CACNA1D: variants seen among roughly 807,000 people sequenced by gnomAD.
CACNA1D encodes calcium voltage-gated channel subunit alpha1 D.
CACNA1D carries 55 observed loss-of-function variants against 257.1 expected under a neutral mutation model. The observed-to-expected ratio is 0.21, with a 90% CI of 0.17 to 0.27. The LOEUF (loss-of-function observed/expected upper bound fraction) is 0.27, where lower values mean the gene tolerates loss of function less well. CACNA1D is among the 10% of genes least tolerant of loss of function. CACNA1D has a pLI of 1.00. For missense variants in CACNA1D, 1,876 were observed against 2,784.0 expected (o/e 0.67, Z 7.34); for synonymous variants, 980 against 1,014.9 (o/e 0.97, Z 0.65).
rs146863925 is a variant in CACNA1D at position 53,743,920 on chromosome 3, G to A, written c.2918+803G>A. 4.4e-3 allele frequency among the ~76,000 whole-genome samples: 665 copies of A among 152,110 alleles called. 7 individuals carry two copies. The highest frequency in any genetic ancestry group is 0.015 in the African/African-American group (612 of 41,484). On this transcript the variant is annotated intron_variant, in intron 22 of 47. Coordinates refer to ENST00000350061, the MANE Select transcript of CACNA1D (RefSeq NM_001128840.3). Reference sequence around the variant, plus strand: ...AACAGCCCTTTGTGTTATCCTTCTCGCCTGCCACTGAGGGAACCCTGTGAT... The same window carrying A: ...AACAGCCCTTTGTGTTATCCTTCTCACCTGCCACTGAGGGAACCCTGTGAT...
chr3:53,686,062 T>C (rs374413391), intron 8 of CACNA1D, among the ~76,000 whole-genome samples: 2 of 151,958 alleles, frequency 1.3e-5, no homozygotes, highest in Non-Finnish European at 1.5e-5. Context: ...ACCACAGATA[T>C]TACAGACATT....
chr3:53,545,831 G>A lies in CACNA1D; in HGVS notation c.483+44111G>A, dbSNP rs145737018. Among the ~76,000 whole-genome samples the A allele has an allele frequency of 6.3e-4, 96 of 152,304 alleles. 1 individual carries two copies. The East Asian group carries it at 0.018, about 28-fold the overall frequency. ...AGGGAGGAGGCGCTCTGGCAACAGTGGGAAGTCCAGATTGTTTCTATTGTG... is the reference window on the plus strand; with the variant it reads ...AGGGAGGAGGCGCTCTGGCAACAGTAGGAAGTCCAGATTGTTTCTATTGTG... On this transcript the variant is annotated intron_variant, in intron 3 of 47. Transcript: ENST00000350061.
At chr3:53,588,112 C>G (rs776386781) in intron 3 of CACNA1D, among the ~76,000 whole-genome samples, 1 of 152,216 alleles carries the variant, frequency 6.6e-6, no homozygotes, top group Non-Finnish European at 1.5e-5. Flanking sequence ...AGAACACACA[C>G]TTTTATGACT....
chr3:53,780,506 T>C (rs889596665), intron 38 of CACNA1D, among the ~76,000 whole-genome samples: 1 of 152,240 alleles, frequency 6.6e-6, no homozygotes, highest in Non-Finnish European at 1.5e-5. Context: ...AGCTGTAGTT[T>C]CTTTCCCTAT....
intron 3 of CACNA1D, among the ~76,000 whole-genome samples, chr3:53,543,121 AAAAT>A (rs752946981): frequency 7.4e-5 from 11 of 149,300 alleles, no homozygotes; most frequent in African/African-American, 1.0e-4. Context: ...GCAGCAGTAA[AAAAT>A]AAATAAAGAA....
chr3:53,787,755 A>G (rs1029711246), intron 40 of CACNA1D, among the ~76,000 whole-genome samples: 2 of 152,148 alleles, frequency 1.3e-5, no homozygotes, highest in Admixed American at 1.3e-4. Flanking sequence ...GGGGCTAGGA[A>G]GGTGGTCTGT....
At chr3:53,632,288 A>G (rs946265470) in intron 3 of CACNA1D, among the ~76,000 whole-genome samples, 1 of 152,176 alleles carries the variant, frequency 6.6e-6, no homozygotes, top group African/African-American at 2.4e-5. Context: ...TTTTCTTAAA[A>G]CTTATGAACT....
At chr3:53,731,979 A>C in intron 17 of CACNA1D, 37 bp from the exon 18 acceptor site, 1 of 1,350,604 alleles carries the variant, frequency 7.4e-7, no homozygotes, top group Non-Finnish European at 1.1e-6. Flanking sequence ...ATTTTAAGTC[A>C]GTCTCCCCTC....
rs1316459085 is a variant in CACNA1D, at chr3:53,789,547, G to C, written c.4923+2595G>C. Among the ~76,000 whole-genome samples, 3 of 152,266 alleles carry C rather than the reference G, an allele frequency of 2.0e-5. No homozygotes were observed. Among genetic ancestry groups the C allele is most frequent in the African/African-American group, 4.8e-5 (2 of 41,474 alleles). On this transcript the variant is annotated intron_variant, in intron 40 of 47. Transcript: ENST00000350061. The surrounding 1 kb of genome is among the most constrained non-coding windows in gnomAD (Gnocchi z 4.2). ...CGGCAGTGGGAGAGATATACCACCA[G>C]TGTAACTAGGACAAGGACACAGCCT...
At chr3:53,684,634 AAAAAAAAAAAG>A (rs1382923231) in intron 8 of CACNA1D, among the ~76,000 whole-genome samples, 1 of 132,754 alleles carries the variant, frequency 7.5e-6, no homozygotes, top group Non-Finnish European at 1.7e-5. Context: ...AAAAAAAAAA[AAAAAAAAAAAG>A]CATCAAAATG....
intron 20 of CACNA1D, among the ~76,000 whole-genome samples, chr3:53,740,059 G>A (rs1298307610): frequency 2.0e-5 from 3 of 152,188 alleles, no homozygotes; most frequent in Non-Finnish European, 2.9e-5. Flanking sequence ...GAAGCAAGTC[G>A]GTGAGTGGTT....
chr3:53,777,743 A>G (rs1485896212), intron 37 of CACNA1D, among the ~76,000 whole-genome samples: 1 of 152,090 alleles, frequency 6.6e-6, no homozygotes, highest in African/African-American at 2.4e-5. Flanking sequence ...ATGGATGCAG[A>G]TCTCCCAGTG....
chr3:53,553,704 C>CACA (rs2107596923), intron 3 of CACNA1D, among the ~76,000 whole-genome samples: 1 of 152,072 alleles, frequency 6.6e-6, no homozygotes, highest in African/African-American at 2.4e-5. Context: ...GTCACATGTA[C>CACA]ACACGCCAGA....
chr3:53,789,928 C>T lies in CACNA1D; in HGVS notation c.4923+2976C>T, dbSNP rs531559130. On this transcript the variant is annotated intron_variant, in intron 40 of 47. Transcript: ENST00000350061. The surrounding 1 kb of genome is among the most constrained non-coding windows in gnomAD (Gnocchi z 4.2). ...CCCACATGAAGGGGAATGGCTTGAG[C>T]TCCTGGATCCATGTGTGGGAAGGAG... Among the ~76,000 whole-genome samples the T allele has an allele frequency of 6.6e-6, 1 of 152,326 alleles. No individual in the cohort carries two copies. The highest frequency in any genetic ancestry group is 1.5e-5 in the Non-Finnish European group (1 of 68,042).
Position 53,554,487 on chromosome 3 carries a change from G to A in CACNA1D, c.483+52767G>A, listed in dbSNP as rs574796328. ...CTTCTCTGTGAGCATGCCCTGATGA[G>A]TTCAAGGGGCTCCCTTCTTCGTGCC... On this transcript the variant is annotated intron_variant, in intron 3 of 47. Transcript: ENST00000350061. 9.2e-5 allele frequency among the ~76,000 whole-genome samples: 14 copies of A among 152,336 alleles called. 2 individuals are homozygous for A. In the South Asian group the frequency reaches 2.7e-3, roughly 29 times the overall value.
intron 29 of CACNA1D, among the ~76,000 whole-genome samples, chr3:53,760,353 T>G (rs2095293820): frequency 6.6e-6 from 1 of 152,220 alleles, no homozygotes; most frequent in Non-Finnish European, 1.5e-5. Context: ...TGGGTCTGTG[T>G]TTGATCACAA....
intron 9 of CACNA1D, among the ~76,000 whole-genome samples, chr3:53,714,278 T>A (rs192209167): frequency 2.0e-4 from 31 of 152,272 alleles, no homozygotes; most frequent in Admixed American, 1.2e-3. Context: ...GGGGTCTGCC[T>A]GCACCTCTAA....
intron 29 of CACNA1D, among the ~76,000 whole-genome samples, chr3:53,756,764 C>A (rs748454510): frequency 6.6e-6 from 1 of 152,200 alleles, no homozygotes. Context: ...AAAGTGCTGG[C>A]TGCAGCAGGT....
chr3:53,522,558 G>T (rs139134781), intron 3 of CACNA1D, among the ~76,000 whole-genome samples: 2 of 152,214 alleles, frequency 1.3e-5, no homozygotes, highest in African/African-American at 4.8e-5. Context: ...TCTTGGAGAG[G>T]TTAGCTCCTA....
Sources: allele counts gnomAD v4.1 joint callset (sites outside exome capture counted in the v4.1 genomes callset), GRCh38; gene constraint gnomAD v4.1.1; non-coding constraint Gnocchi (gnomAD v3.1); transcripts MANE v1.5; gene names NCBI Gene and HGNC (gene_info 2026-07-23, HGNC 2026-07-21).